Variants in CHODL observed in about 807,000 individuals in gnomAD.
CHODL encodes the protein transmembrane protein MT75.
Under a neutral mutation model 34.5 loss-of-function variants are expected in CHODL, and 29 were observed. That is an observed-to-expected ratio of 0.84 (90% CI 0.63 to 1.15). The LOEUF is 1.15. CHODL is among the 50% of genes most tolerant of loss of function. CHODL has a pLI of 0.00. For missense variants in CHODL, 332 were observed against 332.5 expected (o/e 1.00, Z 0.01); for synonymous variants, 125 against 116.1 (o/e 1.08, Z -0.49).
chr21:18,166,940 G>A (rs1480620968), intron 2 of CHODL, among the ~76,000 whole-genome samples: 1 of 151,986 alleles, frequency 6.6e-6, no homozygotes, highest in Non-Finnish European at 1.5e-5. Flanking sequence ...TTGCTAATAT[G>A]TACCTATGAA....
intron 2 of CHODL, among the ~76,000 whole-genome samples, chr21:18,196,111 T>C (rs1157072711): frequency 6.6e-6 from 1 of 152,224 alleles, no homozygotes; most frequent in East Asian, 1.9e-4. Context: ...TAAATAAATG[T>C]GAACTGTACC....
intron 1 of CHODL, among the ~76,000 whole-genome samples, chr21:17,959,422 CTAAAT>C (rs1218490836): frequency 1.3e-5 from 2 of 152,050 alleles, no homozygotes; most frequent in South Asian, 2.1e-4. Context: ...AATTAAAACT[CTAAAT>C]TAACAAGCCA....
chr21:17,917,813 G>A (rs1197083535), intron 1 of CHODL, among the ~76,000 whole-genome samples: 1 of 152,050 alleles, frequency 6.6e-6, no homozygotes, highest in Admixed American at 6.6e-5. Flanking sequence ...TTAGCACACT[G>A]CATGTTTTAT....
intron 1 of CHODL, among the ~76,000 whole-genome samples, chr21:17,976,895 A>G (rs1405964926): frequency 1.3e-5 from 2 of 152,158 alleles, no homozygotes; most frequent in Admixed American, 1.3e-4. Context: ...CCTGATTTCT[A>G]TGGGATGGTT....
intron 2 of CHODL, among the ~76,000 whole-genome samples, chr21:18,047,248 G>T (rs2064455345): frequency 6.6e-6 from 1 of 151,768 alleles, no homozygotes; most frequent in Non-Finnish European, 1.5e-5. Context: ...ATTGAATATT[G>T]CCTAATTAGA....
intron 1 of CHODL, among the ~76,000 whole-genome samples, chr21:18,251,689 A>T (rs2074254746): frequency 7.7e-6 from 1 of 130,506 alleles, no homozygotes; most frequent in Non-Finnish European, 1.5e-5. Context: ...TATATAAAAT[A>T]AATATTTTAT....
At chr21:17,948,538 GA>G (rs1232397008) in intron 1 of CHODL, among the ~76,000 whole-genome samples, 2 of 151,590 alleles carry the variant, frequency 1.3e-5, no homozygotes, top group Admixed American at 1.3e-4. Context: ...GACTAAATAA[GA>G]AAAAAAGAGG....
intron 3 of CHODL, 148 bp downstream of exon 3, chr21:18,257,275 A>G: frequency 2.9e-6 from 2 of 692,966 alleles, no homozygotes; most frequent in Non-Finnish European, 4.7e-6. Context: ...CACTCGTGTA[A>G]TGAAGCATAT....
At chr21:18,049,478 T>C (rs2064486488) in intron 2 of CHODL, among the ~76,000 whole-genome samples, 1 of 152,002 alleles carries the variant, frequency 6.6e-6, no homozygotes, top group Non-Finnish European at 1.5e-5. Context: ...GTTTTTCTAT[T>C]ACATTTTAAT....
chr21:18,031,751 C>A (rs1052407133), intron 2 of CHODL, among the ~76,000 whole-genome samples: 6 of 152,028 alleles, frequency 3.9e-5, no homozygotes, highest in African/African-American at 1.2e-4. Flanking sequence ...CACTAAGATT[C>A]TACTTGAGGC....
intron 2 of CHODL, among the ~76,000 whole-genome samples, chr21:18,095,647 C>T (rs2065131081): frequency 6.6e-6 from 1 of 152,150 alleles, no homozygotes; most frequent in South Asian, 2.1e-4. Context: ...TTTCCAAACT[C>T]ATTCTACAAG....
chr21:18,247,918 G>C lies in CHODL; in HGVS notation c.79+2616G>C, dbSNP rs144143381. On this transcript the variant is annotated intron_variant, in intron 1 of 5. Coordinates refer to ENST00000299295, the MANE Select transcript of CHODL (RefSeq NM_024944.3). ...TGTAGGCATAAGGATAAATATGAAG[G>C]ATTCCAAATTCAGGTCTCTAAGTTG... is the stretch of plus-strand genomic sequence containing the variant. Among the ~76,000 whole-genome samples the C allele has an allele frequency of 1.2e-4, 19 of 152,034 alleles. No homozygotes were observed. In the East Asian group the frequency reaches 1.7e-3, roughly 14 times the overall value.
At chr21:18,177,590 T>A (rs1272518977) in intron 2 of CHODL, among the ~76,000 whole-genome samples, 1 of 152,116 alleles carries the variant, frequency 6.6e-6, no homozygotes, top group African/African-American at 2.4e-5. Context: ...AAAATTGAAA[T>A]GCACAGATAC....
At chr21:17,924,901 A>G (rs1278554946) in intron 1 of CHODL, among the ~76,000 whole-genome samples, 3 of 152,238 alleles carry the variant, frequency 2.0e-5, no homozygotes, top group Non-Finnish European at 4.4e-5. Flanking sequence ...AAAAAATGCT[A>G]CATAAGAAGA....
At chr21:18,161,733 C>T (rs1453479383) in intron 2 of CHODL, among the ~76,000 whole-genome samples, 1 of 152,164 alleles carries the variant, frequency 6.6e-6, no homozygotes, top group East Asian at 1.9e-4. Context: ...CTAATCCTCC[C>T]TACACCCCAG....
chr21:17,969,106 G>A (rs1047310540), intron 1 of CHODL, among the ~76,000 whole-genome samples: 1 of 152,144 alleles, frequency 6.6e-6, no homozygotes, highest in Non-Finnish European at 1.5e-5. Flanking sequence ...CAATTTATTA[G>A]TTGAGAGCAT....
chr21:18,178,414 C>T (rs560146072), intron 2 of CHODL, among the ~76,000 whole-genome samples: 1 of 152,126 alleles, frequency 6.6e-6, no homozygotes, highest in Non-Finnish European at 1.5e-5. Flanking sequence ...CAGTTGACCA[C>T]TGAACAATGT....
intron 2 of CHODL, among the ~76,000 whole-genome samples, chr21:18,084,221 C>T (rs1331180304): frequency 2.6e-5 from 4 of 152,180 alleles, no homozygotes; most frequent in African/African-American, 9.7e-5. Context: ...TCCCTTTCAT[C>T]TTCTACCATG....
chr21:18,197,244 T>A (rs1284866951), intron 2 of CHODL, among the ~76,000 whole-genome samples: 1 of 152,232 alleles, frequency 6.6e-6, no homozygotes, highest in African/African-American at 2.4e-5. Context: ...GAATGATGTG[T>A]TAAATAGCTG....
Sources: allele counts gnomAD v4.1 joint callset (sites outside exome capture counted in the v4.1 genomes callset), GRCh38; gene constraint gnomAD v4.1.1; transcripts MANE v1.5; gene names NCBI Gene and HGNC (gene_info 2026-07-23, HGNC 2026-07-21).